The following ARHGEF18 variants were observed in gnomAD, a reference collection of about 807,000 sequenced individuals.
The protein encoded by ARHGEF18 is Rho/Rac guanine nucleotide exchange factor 18.
A neutral mutation model predicts 155.7 loss-of-function variants in ARHGEF18; 93 were observed. That is an observed-to-expected ratio of 0.60 (90% confidence interval 0.50 to 0.71). ARHGEF18 has a LOEUF of 0.71. Ranked by LOEUF, ARHGEF18 falls within the 30% of genes least tolerant of loss-of-function variation. The pLI, the probability that ARHGEF18 is intolerant of heterozygous loss-of-function variation, is 0.00. For missense variants in ARHGEF18, 1,593 were observed against 1,816.1 expected, an observed-to-expected ratio of 0.88 and a Z score of 2.23; for synonymous variants, 742 against 753.1, an observed-to-expected ratio of 0.99 and a Z score of 0.24.
intron 23 of ARHGEF18, among the ~76,000 whole-genome samples, chr19:7,465,555 G>A (rs1287575078): frequency 9.9e-5 from 15 of 152,062 alleles, no homozygotes; most frequent in South Asian, 2.1e-4. Context: ...CTACAGGTGC[G>A]CGCCCCCACA....
chr19:7,469,357 A>C (rs375663231), intron 27 of ARHGEF18, among the ~76,000 whole-genome samples: 61 of 152,294 alleles, frequency 4.0e-4, no homozygotes, highest in African/African-American at 1.4e-3. Context: ...CTCAACCCTC[A>C]AAACAGTGGG....
Position 7,439,832 on chromosome 19 carries a change from G to A in ARHGEF18, c.968-512G>A. On this transcript the variant is annotated intron_variant, in intron 10 of 28. Transcript: ENST00000668164. ...AGACTATTTACAGCAAACTCAAACAGCTCACTTGCTTTTTACACCCTGCAA... is the reference window on the plus strand; with the variant it reads ...AGACTATTTACAGCAAACTCAAACAACTCACTTGCTTTTTACACCCTGCAA... 3 of 1,440,658 alleles carry A rather than the reference G, an allele frequency of 2.1e-6. No homozygotes were observed. In the South Asian group the frequency reaches 4.6e-5, roughly 22 times the overall value. 89.2% of individuals were successfully genotyped at this position (1,440,658 alleles called of 1,614,324 possible). A position where few individuals can be genotyped will look rare whatever the true frequency, so the allele number is the denominator to read the frequency against.
intron 7 of ARHGEF18, among the ~76,000 whole-genome samples, chr19:7,379,891 G>T (rs371679307): frequency 1.3e-5 from 2 of 152,114 alleles, no homozygotes; most frequent in East Asian, 1.9e-4. Flanking sequence ...TTTGCTGGGC[G>T]AGGTGGCTCA....
intron 1 of ARHGEF18, among the ~76,000 whole-genome samples, chr19:7,362,006 A>C (rs1182617703): frequency 1.8e-5 from 1 of 55,806 alleles, no homozygotes; most frequent in African/African-American, 9.9e-5. Context: ...AAGAAGAAGA[A>C]GAAGAAGAAG....
intron 6 of ARHGEF18, 92 bp downstream of exon 6, chr19:7,378,543 G>C (rs1970569861): frequency 9.2e-7 from 1 of 1,082,668 alleles, no homozygotes; most frequent in Non-Finnish European, 1.2e-6. Context: ...GTGCAGTGTT[G>C]CTGGCCATAA....
chr19:7,458,717 C>A, intron 19 of ARHGEF18, 27 bp downstream of exon 19: 2 of 1,593,494 alleles, frequency 1.3e-6, no homozygotes, highest in Non-Finnish European at 1.7e-6. Context: ...GGTCTCCCCA[C>A]CCACTGTGTT....
intron 10 of ARHGEF18, among the ~76,000 whole-genome samples, chr19:7,426,647 A>T (rs1261085519): frequency 1.3e-5 from 2 of 152,046 alleles, no homozygotes; most frequent in African/African-American, 4.8e-5. Context: ...ATGCAAAATC[A>T]CGTAGTATTT....
chr19:7,409,971 G>A (rs1251913615), intron 10 of ARHGEF18, among the ~76,000 whole-genome samples: 2 of 120,206 alleles, frequency 1.7e-5, no homozygotes, highest in South Asian at 4.9e-4. Flanking sequence ...TTTTTTTTTA[G>A]CAGAGATGGG....
At chr19:7,364,870 G>A (rs2145361728) in intron 2 of ARHGEF18, among the ~76,000 whole-genome samples, 1 of 152,316 alleles carries the variant, frequency 6.6e-6, no homozygotes, top group South Asian at 2.1e-4. Flanking sequence ...GGGTCTCCAG[G>A]AAGCAGACTC....
chr19:7,405,848 T>C (rs1330439270), intron 10 of ARHGEF18, among the ~76,000 whole-genome samples: 2 of 146,362 alleles, frequency 1.4e-5, no homozygotes, highest in African/African-American at 2.8e-5. Context: ...TCTTAAACTC[T>C]TGGGCTCAAG....
At chr19:7,401,851 G>A (rs1972031096) in intron 10 of ARHGEF18, among the ~76,000 whole-genome samples, 1 of 152,148 alleles carries the variant, frequency 6.6e-6, no homozygotes, top group Non-Finnish European at 1.5e-5. Flanking sequence ...CTGAGGAACG[G>A]ATACATAAAA....
intron 15 of ARHGEF18, among the ~76,000 whole-genome samples, 195 bp from the exon 16 acceptor site, chr19:7,450,953 GC>G (rs67918054): frequency 9.1e-3 from 3 of 330 alleles, no homozygotes; most frequent in East Asian, 0.1. Context: ...AGATGTTAAT[GC>G]GGGATCTTGC....
intron 22 of ARHGEF18, 50 bp downstream of exon 22, chr19:7,464,005 T>C (rs1333076567): frequency 6.6e-7 from 1 of 1,522,328 alleles, no homozygotes; most frequent in African/African-American, 1.4e-5. Context: ...CCCCTCAGGA[T>C]GCACATTAAC....
At position 7,441,958 on chromosome 19, in the gene ARHGEF18, C is replaced by T. The variant is rs1412311043; in HGVS notation, c.1266C>T (p.His422=). The T allele has an allele frequency of 4.3e-6, 7 of 1,613,990 alleles. No individual in the cohort carries two copies. The highest frequency in any genetic ancestry group is 5.9e-6 in the Non-Finnish European group (7 of 1,180,030). ...SLRSEIESDG[H]EFEAESWSLA... is the part of the protein sequence containing the mutation. ...GGAGTGAGATTGAGTCAGACGGCCA[C>T]GAGTTTGAAGCTGAGTCCTGGAGCC... Residue 422 remains histidine (H), a synonymous_variant, in exon 13 of 29, where the codon CAC becomes CAT. Coordinates refer to ENST00000668164, the MANE Select transcript of ARHGEF18 (RefSeq NM_001367823.1).
the ARHGEF18 span, among the ~76,000 whole-genome samples, chr19:7,478,880 C>T: frequency 6.6e-6 from 1 of 152,188 alleles, no homozygotes. Flanking sequence ...ATCCCCTGGG[C>T]CCCCAGGGCT....
intron 19 of ARHGEF18, among the ~76,000 whole-genome samples, chr19:7,459,304 C>A (rs1181164515): frequency 6.6e-6 from 1 of 152,150 alleles, no homozygotes; most frequent in Non-Finnish European, 1.5e-5. Flanking sequence ...TTATTGCAAC[C>A]CAAACTCCTG....
intron 10 of ARHGEF18, among the ~76,000 whole-genome samples, chr19:7,420,050 C>G (rs934517413): frequency 6.6e-6 from 1 of 152,102 alleles, no homozygotes; most frequent in African/African-American, 2.4e-5. Context: ...CCCACACTCA[C>G]GCTAAGCCCT....
intron 2 of ARHGEF18, 109 bp from the exon 3 acceptor site, chr19:7,372,703 C>T: frequency 8.9e-7 from 1 of 1,119,506 alleles, no homozygotes; most frequent in Non-Finnish European, 1.1e-6. Flanking sequence ...AGGTAGGGGA[C>T]AGGCAGGGTC....
At chr19:7,386,062 G>A (rs1378264584) in intron 10 of ARHGEF18, among the ~76,000 whole-genome samples, 7 of 131,688 alleles carry the variant, frequency 5.3e-5, no homozygotes, top group Non-Finnish European at 8.1e-5. Context: ...CGCCACCCCC[G>A]GGGCTGGAGT....
Sources: gnomAD v4.1 joint callset for allele counts (sites outside exome capture counted in the v4.1 genomes callset) on GRCh38, gnomAD v4.1.1 for gene constraint, MANE v1.5 for transcripts, NCBI Gene and HGNC (gene_info 2026-07-23, HGNC 2026-07-21) for gene names.